The following ENOX1 variants were observed in gnomAD, a reference collection of about 807,000 sequenced individuals.
ENOX1 encodes the protein candidate growth-related and time keeping constitutive hydroquinone (NADH) oxidase.
In ENOX1, 42 loss-of-function variants were observed where a neutral mutation model predicts 82.5. That is an observed-to-expected ratio of 0.51 (90% confidence interval 0.40 to 0.66). The LOEUF is 0.66. ENOX1 is among the 30% of genes least tolerant of loss of function. The pLI is 0.00. For synonymous variants in ENOX1, 271 were observed against 282.2 expected, an observed-to-expected ratio of 0.96 and a Z score of 0.40; for missense variants, 608 against 811.6, an observed-to-expected ratio of 0.75 and a Z score of 3.05.
chr13:43,509,321 G>T (rs1037384531), intron 2 of ENOX1, among the ~76,000 whole-genome samples: 1 of 151,992 alleles, frequency 6.6e-6, no homozygotes, highest in African/African-American at 2.4e-5. Context: ...TACAACAATG[G>T]ATGACTGCTT....
chr13:43,731,429 G>A (rs1319645631), intron 1 of ENOX1, among the ~76,000 whole-genome samples: 1 of 151,976 alleles, frequency 6.6e-6, no homozygotes, highest in Non-Finnish European at 1.5e-5. Flanking sequence ...TCCTGTTGAA[G>A]ATATTTCTCA....
chr13:43,463,667 TACCCA>T (rs932343960), intron 3 of ENOX1, among the ~76,000 whole-genome samples: 11 of 152,266 alleles, frequency 7.2e-5, no homozygotes, highest in Admixed American at 5.2e-4. Flanking sequence ...AAGGAAAAAA[TACCCA>T]ACCCCTCTCA....
intron 1 of ENOX1, among the ~76,000 whole-genome samples, chr13:43,726,751 T>TGA (rs1351164856): frequency 0.05 from 6,552 of 132,346 alleles, 147 homozygotes; most frequent in Middle Eastern, 0.072. Flanking sequence ...TGTGTGTGTG[T>TGA]GTGAGAGAGA....
intron 1 of ENOX1, among the ~76,000 whole-genome samples, chr13:43,670,181 C>A (rs1340173615): frequency 6.6e-6 from 1 of 152,134 alleles, no homozygotes; most frequent in African/African-American, 2.4e-5. Flanking sequence ...GGAAGCCTTA[C>A]AAGTTACAGC....
At chr13:43,499,606 T>C (rs890776424) in intron 2 of ENOX1, among the ~76,000 whole-genome samples, 5 of 151,910 alleles carry the variant, frequency 3.3e-5, no homozygotes, top group African/African-American at 1.2e-4. Flanking sequence ...GGATGACTTG[T>C]GGAGGGCTTT....
chr13:43,470,954 C>T (rs957110696), intron 3 of ENOX1, among the ~76,000 whole-genome samples: 1 of 152,250 alleles, frequency 6.6e-6, no homozygotes, highest in Non-Finnish European at 1.5e-5. Flanking sequence ...AAAGATCTGG[C>T]AATTTCTTCA....
intron 2 of ENOX1, among the ~76,000 whole-genome samples, chr13:43,614,089 T>C (rs1566635746): frequency 6.6e-6 from 1 of 152,100 alleles, no homozygotes; most frequent in Non-Finnish European, 1.5e-5. Flanking sequence ...ACTTTGACAA[T>C]AAAAACTCCT....
chr13:43,692,960 T>C (rs540575570), intron 1 of ENOX1, among the ~76,000 whole-genome samples: 2 of 152,272 alleles, frequency 1.3e-5, no homozygotes, highest in East Asian at 3.9e-4. Context: ...GCTCTTTATA[T>C]TACAGTATCA....
intron 5 of ENOX1, among the ~76,000 whole-genome samples, chr13:43,402,941 G>A (rs2053579710): frequency 6.6e-6 from 1 of 152,000 alleles, no homozygotes; most frequent in African/African-American, 2.4e-5. Context: ...CAGCTTATTG[G>A]GCTGTTAAAG....
intron 14 of ENOX1, among the ~76,000 whole-genome samples, chr13:43,249,563 T>C (rs916110036): frequency 6.6e-6 from 1 of 152,220 alleles, no homozygotes; most frequent in Non-Finnish European, 1.5e-5. Context: ...TGGCATGTTA[T>C]TTTCTCAGTT....
At chr13:43,329,141 G>A (rs1419384972) in intron 9 of ENOX1, among the ~76,000 whole-genome samples, 1 of 152,230 alleles carries the variant, frequency 6.6e-6, no homozygotes, top group Non-Finnish European at 1.5e-5. Flanking sequence ...CTGTTCAAAG[G>A]CTGGTATAGA....
At chr13:43,448,755 T>G (rs1165210588) in intron 3 of ENOX1, among the ~76,000 whole-genome samples, 1 of 152,202 alleles carries the variant, frequency 6.6e-6, no homozygotes, top group Non-Finnish European at 1.5e-5. Flanking sequence ...GGGTAATTCA[T>G]GCATCAGCAC....
intron 11 of ENOX1, among the ~76,000 whole-genome samples, chr13:43,302,410 GAAGCTTA>G (rs757360568): frequency 6.6e-6 from 1 of 152,124 alleles, no homozygotes; most frequent in African/African-American, 2.4e-5. Flanking sequence ...GCATTCACAA[GAAGCTTA>G]AGGCCAGCAC....
In ENOX1 at chr13:43,623,083, G is replaced by A. The variant is rs780811584; in HGVS notation, c.-219+44396C>T. Among the ~76,000 whole-genome samples, 15 of 152,196 alleles carry A rather than the reference G, an allele frequency of 9.9e-5. No homozygotes were observed. In the South Asian group the frequency reaches 1.5e-3, roughly 15 times the overall value. ...GCCTTACCCAGCTCCCACACAAACC[G>A]AAGGGCCAGTCTCACTGCCACCATG... On this transcript the variant is annotated intron_variant, in intron 2 of 16. Transcript: ENST00000690772.
chr13:43,334,033 C>A (rs756019308), intron 9 of ENOX1, among the ~76,000 whole-genome samples: 8 of 152,236 alleles, frequency 5.3e-5, no homozygotes, highest in Non-Finnish European at 1.0e-4. Context: ...TCATCAACAT[C>A]ACTTGAGAAC....
intron 5 of ENOX1, among the ~76,000 whole-genome samples, chr13:43,386,104 T>C (rs899068189): frequency 1.3e-5 from 2 of 152,192 alleles, no homozygotes; most frequent in Non-Finnish European, 1.5e-5. Context: ...AGATGGAGGA[T>C]GCAGTGAGCT....
intron 9 of ENOX1, among the ~76,000 whole-genome samples, chr13:43,329,683 C>T (rs549021471): frequency 6.6e-6 from 1 of 152,242 alleles, no homozygotes; most frequent in South Asian, 2.1e-4. Context: ...TAATTTTATA[C>T]TTATGAACTT....
intron 5 of ENOX1, among the ~76,000 whole-genome samples, chr13:43,394,330 C>T (rs1449986076): frequency 2.0e-5 from 3 of 152,176 alleles, no homozygotes; most frequent in Non-Finnish European, 4.4e-5. Context: ...TCAATGGCAT[C>T]CCGAACTTGG....
intron 2 of ENOX1, among the ~76,000 whole-genome samples, chr13:43,627,051 C>T (rs1016789498): frequency 1.3e-5 from 2 of 151,920 alleles, no homozygotes; most frequent in African/African-American, 4.8e-5. Context: ...CCAGCTCTGT[C>T]TCTGACAATT....
Sources: allele counts gnomAD v4.1 joint callset (sites outside exome capture counted in the v4.1 genomes callset), GRCh38; gene constraint gnomAD v4.1.1; transcripts MANE v1.5; gene names NCBI Gene and HGNC (gene_info 2026-07-23, HGNC 2026-07-21).